The following ZFAT variants were observed in gnomAD, a reference collection of about 807,000 sequenced individuals.
ZFAT encodes zinc finger protein ZFAT.
A neutral mutation model predicts 117.7 loss-of-function variants in ZFAT; 64 were observed. The ratio of observed to expected loss-of-function variants is 0.54; its 90% confidence interval spans 0.44 to 0.67. The LOEUF (loss-of-function observed/expected upper bound fraction) is 0.67. ZFAT is among the 30% of genes least tolerant of loss of function. The pLI is 0.00. For synonymous variants in ZFAT, 679 were observed against 615.0 expected (o/e 1.10, Z -1.54); for missense variants, 1,433 against 1,584.5 (o/e 0.90, Z 1.62).
intron 11 of ZFAT, among the ~76,000 whole-genome samples, chr8:134,549,957 C>T (rs1823006442): frequency 6.6e-6 from 1 of 152,110 alleles, no homozygotes; most frequent in East Asian, 1.9e-4. Flanking sequence ...TCAAGGACCT[C>T]AGGGAGTGAG....
the ZFAT span, among the ~76,000 whole-genome samples, chr8:134,813,679 A>G: frequency 2.0e-5 from 3 of 152,182 alleles, no homozygotes; most frequent in Middle Eastern, 3.4e-3. Flanking sequence ...CCGCCTCCCA[A>G]AGTGCTGGGA....
chr8:134,794,391 G>A, the ZFAT span: 1 of 152,142 alleles, frequency 6.6e-6, no homozygotes, highest in Non-Finnish European at 1.5e-5. Flanking sequence ...CAAATCCCAG[G>A]CTAGCCAACA....
intron 11 of ZFAT, among the ~76,000 whole-genome samples, chr8:134,549,312 G>A (rs1822952905): frequency 1.3e-5 from 2 of 152,036 alleles, no homozygotes; most frequent in Admixed American, 1.3e-4. Context: ...GTGGGGGCAG[G>A]CACCTGTACT....
chr8:134,623,280 T>C (rs1191948262), intron 3 of ZFAT, among the ~76,000 whole-genome samples: 3 of 152,200 alleles, frequency 2.0e-5, no homozygotes, highest in Admixed American at 6.5e-5. Flanking sequence ...TCCTTCAAGG[T>C]AGCCTTCCCT....
intron 11 of ZFAT, 32 bp from the exon 12 acceptor site, chr8:134,533,004 G>C: frequency 6.3e-7 from 1 of 1,577,890 alleles, no homozygotes; most frequent in East Asian, 2.3e-5. Context: ...GTTAGGAAAG[G>C]TGAGCCCCAG....
chr8:134,645,833 A>G (rs959315144), intron 2 of ZFAT, among the ~76,000 whole-genome samples: 1 of 152,242 alleles, frequency 6.6e-6, no homozygotes, highest in South Asian at 2.1e-4. Flanking sequence ...AGCAGAATAC[A>G]AAGTATTCTC....
At chr8:134,704,934 A>G (rs1458860742) in intron 1 of ZFAT, among the ~76,000 whole-genome samples, 2 of 152,140 alleles carry the variant, frequency 1.3e-5, no homozygotes, top group African/African-American at 4.8e-5. Context: ...TTTTCTTTGG[A>G]CCTTAAAGTA....
At chr8:134,649,576 A>C (rs1480773890) in intron 2 of ZFAT, among the ~76,000 whole-genome samples, 1 of 152,258 alleles carries the variant, frequency 6.6e-6, no homozygotes, top group African/African-American at 2.4e-5. Flanking sequence ...AGCAATCTGA[A>C]AATAAATTAT....
At chr8:134,558,872 C>G (rs1252063498) in intron 11 of ZFAT, among the ~76,000 whole-genome samples, 1 of 152,138 alleles carries the variant, frequency 6.6e-6, no homozygotes, top group Non-Finnish European at 1.5e-5. Context: ...AATAACACAG[C>G]CTATAAGTGG....
At chr8:134,542,813 C>T (rs1822367480) in intron 11 of ZFAT, among the ~76,000 whole-genome samples, 1 of 152,214 alleles carries the variant, frequency 6.6e-6, no homozygotes, top group Non-Finnish European at 1.5e-5. Context: ...AAATAACCTC[C>T]TCACACCTCT....
chr8:134,602,886 T>C lies in ZFAT; in HGVS notation c.833A>G (p.Lys278Arg). ...LKIFTCEYCN[K>R]VFKFKHSLQA... ...CAGCGAGTGCTTGAACTTGAAGACC[T>C]TGTTGCAGTATTCACAAGTGAAGAT... The change falls in exon 6 of 16, where the codon AAG becomes AGG. Residue 278 changes from lysine (K) to arginine (R), a missense_variant. Physicochemically the swap from Lys to Arg is conservative, Grantham distance 26. Coordinates refer to ENST00000377838, the MANE Select transcript of ZFAT (RefSeq NM_020863.4). 6.2e-7 allele frequency: 1 copy of C among 1,613,852 alleles called. No homozygotes were observed.
chr8:134,662,057 T>C (rs1459158891), intron 1 of ZFAT, among the ~76,000 whole-genome samples: 1 of 152,164 alleles, frequency 6.6e-6, no homozygotes, highest in Non-Finnish European at 1.5e-5. Flanking sequence ...TTTCTGACAG[T>C]TCTGGAGGCT....
At chr8:134,634,053 AC>A (rs1398387592) in intron 3 of ZFAT, among the ~76,000 whole-genome samples, 2 of 97,234 alleles carry the variant, frequency 2.1e-5, no homozygotes, top group Non-Finnish European at 4.3e-5. Flanking sequence ...TCTCAAAAAA[AC>A]AAAACAAAAC....
intron 3 of ZFAT, among the ~76,000 whole-genome samples, chr8:134,635,572 G>C (rs1830152591): frequency 6.6e-6 from 1 of 152,086 alleles, no homozygotes; most frequent in Admixed American, 6.5e-5. Flanking sequence ...AGCTGTGCCG[G>C]AGCAGGGGGC....
chr8:134,712,907 C>G lies in ZFAT; in HGVS notation c.-44G>C, dbSNP rs1814079496. ...AGGAAAAAAAAGCCTCGGGCTCTTC[C>G]GGGCCCCCTCCCGTGCCGACCGAGG... is the stretch of plus-strand genomic sequence containing the variant. On this transcript the variant is annotated 5_prime_UTR_variant, in exon 1 of 16. Coordinates refer to ENST00000377838, the MANE Select transcript of ZFAT (RefSeq NM_020863.4). 4.0e-6 allele frequency: 6 copies of G among 1,495,042 alleles called. No homozygotes were observed. The highest frequency in any genetic ancestry group is 4.5e-6 in the Non-Finnish European group (5 of 1,122,926). The allele number at this position is 1,495,042 out of a possible 1,614,324, so 92.6% of individuals were successfully genotyped here.
At position 134,610,399 on chromosome 8, in the gene ZFAT, T is replaced by C; in HGVS notation, c.634+71A>G. 6.0e-6 allele frequency: 9 copies of C among 1,495,396 alleles called. No homozygotes were observed. The South Asian group carries it at 1.1e-4, about 18-fold the overall frequency. 92.6% of individuals were successfully genotyped at this position (1,495,396 alleles called of 1,614,324 possible). ...CAGCTCTGTGTTCTGACTCAGACTG[T>C]GACATCAGGCTGCCCTTGGCACAGA... On this transcript the variant is annotated intron_variant, in intron 4 of 15. Coordinates refer to ENST00000377838, the MANE Select transcript of ZFAT (RefSeq NM_020863.4).
the ZFAT span, among the ~76,000 whole-genome samples, chr8:134,718,499 G>GA: frequency 7.4e-5 from 11 of 149,326 alleles, no homozygotes; most frequent in East Asian, 5.8e-4. Context: ...CTGTCTCAAA[G>GA]AAAAAAAATA....
intron 6 of ZFAT, 118 bp downstream of exon 6, chr8:134,601,359 G>A (rs150381018): frequency 4.2e-6 from 6 of 1,418,792 alleles, no homozygotes; most frequent in African/African-American, 2.9e-5. Flanking sequence ...TACAATGGAG[G>A]AGGATGGCTC....
At chr8:134,742,183 A>G in the ZFAT span, among the ~76,000 whole-genome samples, 6 of 132,444 alleles carry the variant, frequency 4.5e-5, no homozygotes, top group South Asian at 1.4e-3. Flanking sequence ...TTTTAATTTT[A>G]CTTTAAGTTC....
Sources: allele counts gnomAD v4.1 joint callset (sites outside exome capture counted in the v4.1 genomes callset), GRCh38; gene constraint gnomAD v4.1.1; transcripts MANE v1.5; gene names NCBI Gene and HGNC (gene_info 2026-07-23, HGNC 2026-07-21).